TOX3: variants seen among roughly 807,000 people sequenced by gnomAD.
TOX3 encodes TOX high mobility group box family member 3.
TOX3 carries 22 observed loss-of-function variants against 64.3 expected under a neutral mutation model. That is an observed-to-expected ratio of 0.34 (90% CI 0.24 to 0.49). The LOEUF (loss-of-function observed/expected upper bound fraction) is 0.49, where lower values mean the gene tolerates loss of function less well. Ranked by LOEUF, TOX3 falls within the 20% of genes least tolerant of loss-of-function variation. The pLI is 0.99. For synonymous variants in TOX3, 291 were observed against 273.6 expected, an observed-to-expected ratio of 1.06 and a Z score of -0.63; for missense variants, 661 against 714.4, an observed-to-expected ratio of 0.93 and a Z score of 0.85.
chr16:52,546,074 A>G (rs8045285), intron 1 of TOX3, among the ~76,000 whole-genome samples: 52,914 of 152,054 alleles, frequency 0.35, 10,192 homozygotes, highest in African/African-American at 0.51. Flanking sequence ...AAGTGCCCTA[A>G]CGAAAGGGCA....
chr16:52,530,628 G>A (rs983020766), intron 1 of TOX3, among the ~76,000 whole-genome samples: 5 of 151,896 alleles, frequency 3.3e-5, no homozygotes, highest in South Asian at 4.2e-4. Context: ...GAATGTAGGC[G>A]TGAGCCACCA....
At chr16:52,485,849 C>T (rs996136490) in intron 1 of TOX3, among the ~76,000 whole-genome samples, 7 of 151,882 alleles carry the variant, frequency 4.6e-5, no homozygotes, top group African/African-American at 1.7e-4. Flanking sequence ...GGAGTGTTTT[C>T]CCTGGACTTG....
intron 1 of TOX3, among the ~76,000 whole-genome samples, chr16:52,485,254 A>ATATATATATG (rs1555484151): frequency 7.0e-6 from 1 of 141,930 alleles, no homozygotes; most frequent in African/African-American, 2.8e-5. Flanking sequence ...GTGTATATAT[A>ATATATATATG]TATATATATA....
chr16:52,489,465 T>C (rs1961616667), intron 1 of TOX3, among the ~76,000 whole-genome samples: 1 of 152,180 alleles, frequency 6.6e-6, no homozygotes, highest in Non-Finnish European at 1.5e-5. Context: ...TATCTAGGTC[T>C]CAAATGATTA....
chr16:52,443,991 A>T (rs1299234142), intron 6 of TOX3, among the ~76,000 whole-genome samples: 1 of 152,214 alleles, frequency 6.6e-6, no homozygotes, highest in African/African-American at 2.4e-5. Flanking sequence ...ATCCCTGACC[A>T]GAAGAAAGCA....
At chr16:52,465,160 G>T (rs1436463874) in intron 2 of TOX3, among the ~76,000 whole-genome samples, 2 of 151,290 alleles carry the variant, frequency 1.3e-5, no homozygotes, top group African/African-American at 4.9e-5. Flanking sequence ...GACTACAGGC[G>T]CCCGCCACCA....
In TOX3 at chr16:52,493,770, T is replaced by C. The variant is rs369391445; in HGVS notation, c.88-25196A>G. Among the ~76,000 whole-genome samples the C allele has an allele frequency of 1.2e-3, 182 of 152,282 alleles. 1 individual carries two copies. The highest frequency in any genetic ancestry group is 3.9e-3 in the African/African-American group (164 of 41,532). ...CCCACCTTTCCTACAAAGTCTCCCT[T>C]TTCATTTGGAGGAAAGGTGGTAATT... On this transcript the variant is annotated intron_variant, in intron 1 of 6. Transcript: ENST00000219746.
rs771578575 is a variant in TOX3 at position 52,437,703 on chromosome 16, G to A, written c.*1522C>T. Among the ~76,000 whole-genome samples, 1 of 146,138 alleles carries A rather than the reference G, an allele frequency of 6.8e-6. No homozygotes were observed. The highest frequency in any genetic ancestry group is 1.5e-5 in the Non-Finnish European group (1 of 67,484). On this transcript the variant is annotated 3_prime_UTR_variant, in exon 7 of 7. Transcript: ENST00000219746. ...TTAGCATTCACCATCTATTTTAATCGCAATAACATTACAATACCCAGCTAG... is the reference window on the plus strand; with the variant it reads ...TTAGCATTCACCATCTATTTTAATCACAATAACATTACAATACCCAGCTAG...
chr16:52,540,936 A>G (rs563407626), intron 1 of TOX3, among the ~76,000 whole-genome samples: 1 of 152,302 alleles, frequency 6.6e-6, no homozygotes, highest in African/African-American at 2.4e-5. Flanking sequence ...AGTGTCTTTT[A>G]TGGTTTATGC....
At chr16:52,469,485 A>G (rs1960974223) in intron 1 of TOX3, among the ~76,000 whole-genome samples, 1 of 152,190 alleles carries the variant, frequency 6.6e-6, no homozygotes. Flanking sequence ...TATTTTCATG[A>G]TTTTTAACTG....
chr16:52,521,120 T>C (rs1962597651), intron 1 of TOX3, among the ~76,000 whole-genome samples: 1 of 152,206 alleles, frequency 6.6e-6, no homozygotes, highest in Non-Finnish European at 1.5e-5. Context: ...TCCCCTATAA[T>C]GTGTCTCAAT....
chr16:52,492,423 T>C (rs1042288224), intron 1 of TOX3, among the ~76,000 whole-genome samples: 10 of 145,818 alleles, frequency 6.9e-5, no homozygotes, highest in Non-Finnish European at 1.5e-4. Flanking sequence ...ATGAATATTA[T>C]ATATATATTA....
chr16:52,452,257 G>A (rs546408119), intron 3 of TOX3, among the ~76,000 whole-genome samples: 1 of 152,292 alleles, frequency 6.6e-6, no homozygotes, highest in African/African-American at 2.4e-5. Flanking sequence ...ACGTACATGT[G>A]TATGCTGTTT....
rs1405927085 is a variant in TOX3, at chr16:52,439,738, G to A, written c.1218C>T (p.Asn406=). Residue 406 remains asparagine (N), a synonymous_variant, in exon 7 of 7, where the codon AAC becomes AAT. Transcript: ENST00000219746. ...QIVTSVTIAA[N]MPSNIGAPLI... ...GTGGAGCCCCAATGTTCGAGGGCAT[G>A]TTGGCTGCAATGGTGACTGATGTGA... 1.9e-6 allele frequency: 3 copies of A among 1,613,904 alleles called. No homozygotes were observed. The highest frequency in any genetic ancestry group is 2.5e-6 in the Non-Finnish European group (3 of 1,179,902).
chr16:52,443,847 G>A (rs1322123244), intron 6 of TOX3, among the ~76,000 whole-genome samples: 1 of 151,964 alleles, frequency 6.6e-6, no homozygotes, highest in Non-Finnish European at 1.5e-5. Context: ...TATATGATAT[G>A]GAACAGTTTG....
intron 2 of TOX3, among the ~76,000 whole-genome samples, chr16:52,466,058 T>A (rs779753300): frequency 6.6e-6 from 1 of 152,194 alleles, no homozygotes. Context: ...CATTTGCCGT[T>A]ATTTTGGCAC....
chr16:52,525,889 G>A (rs1283269784), intron 1 of TOX3, among the ~76,000 whole-genome samples: 5 of 152,154 alleles, frequency 3.3e-5, no homozygotes, highest in East Asian at 1.9e-4. Context: ...ACTTGTTACC[G>A]TTTTTAAATA....
At chr16:52,511,894 A>G (rs1962321695) in intron 1 of TOX3, among the ~76,000 whole-genome samples, 1 of 152,244 alleles carries the variant, frequency 6.6e-6, no homozygotes, top group Non-Finnish European at 1.5e-5. Flanking sequence ...AGAATACTTA[A>G]AGCAGTATGG....
chr16:52,501,685 A>C (rs560614246), intron 1 of TOX3, among the ~76,000 whole-genome samples: 134 of 147,610 alleles, frequency 9.1e-4, no homozygotes, highest in Middle Eastern at 3.4e-3. Context: ...AACAAACAAA[A>C]AAAAAAACAG....
Sources: gnomAD v4.1 joint callset for allele counts (sites outside exome capture counted in the v4.1 genomes callset) on GRCh38, gnomAD v4.1.1 for gene constraint, MANE v1.5 for transcripts, NCBI Gene and HGNC (gene_info 2026-07-23, HGNC 2026-07-21) for gene names.